MSI2: variants seen among roughly 807,000 people sequenced by gnomAD.
MSI2 encodes musashi RNA binding protein 2.
MSI2 carries 17 observed loss-of-function variants against 45.6 expected under a neutral mutation model. The ratio of observed to expected loss-of-function variants is 0.37; its 90% CI spans 0.26 to 0.56. MSI2 has a LOEUF of 0.56. MSI2 is among the 20% of genes least tolerant of loss of function. The pLI is 0.77. For synonymous variants in MSI2, 156 were observed against 158.2 expected (o/e 0.99, Z 0.11); for missense variants, 293 against 444.2 (o/e 0.66, Z 3.06).
Position 57,320,010 on chromosome 17 carries a change from C to A in MSI2, c.312+57818C>A, listed in dbSNP as rs557849818. On this transcript the variant is annotated intron_variant, in intron 5 of 13. Transcript: ENST00000284073. ...TCCTCAAATGAGTGAGCTGTGAGTC[C>A]CCCACCCCTCCTACTTGGCCCTTCC... Among the ~76,000 whole-genome samples the A allele has an allele frequency of 5.7e-3, 867 of 152,128 alleles. 7 individuals are homozygous for A. Among genetic ancestry groups the A allele is most frequent in the African/African-American group, 0.02 (830 of 41,470 alleles).
intron 6 of MSI2, among the ~76,000 whole-genome samples, chr17:57,520,367 T>C (rs2086558563): frequency 6.6e-6 from 1 of 152,224 alleles, no homozygotes; most frequent in Non-Finnish European, 1.5e-5. Flanking sequence ...GTTGAATTCA[T>C]AACTGCTATC....
chr17:57,580,499 G>T (rs1206916386), intron 7 of MSI2, among the ~76,000 whole-genome samples: 1 of 152,208 alleles, frequency 6.6e-6, no homozygotes, highest in Non-Finnish European at 1.5e-5. Context: ...GCATTCTGTG[G>T]CTCTTCCAGT....
At chr17:57,531,325 G>A (rs1189427112) in intron 7 of MSI2, among the ~76,000 whole-genome samples, 2 of 152,220 alleles carry the variant, frequency 1.3e-5, no homozygotes, top group African/African-American at 2.4e-5. Context: ...ATTGCTCGGA[G>A]AGTGTAATGC....
intron 7 of MSI2, among the ~76,000 whole-genome samples, chr17:57,536,318 C>A (rs1243428233): frequency 6.6e-6 from 1 of 152,086 alleles, no homozygotes; most frequent in Non-Finnish European, 1.5e-5. Flanking sequence ...GTGTATTTGA[C>A]AAAAACGATC....
At chr17:57,383,763 G>T (rs972344495) in intron 5 of MSI2, among the ~76,000 whole-genome samples, 1 of 152,182 alleles carries the variant, frequency 6.6e-6, no homozygotes, top group Non-Finnish European at 1.5e-5. Flanking sequence ...CAAGCATATG[G>T]TGGTGTGCCT....
intron 7 of MSI2, among the ~76,000 whole-genome samples, chr17:57,573,401 T>C (rs1247227249): frequency 6.6e-6 from 1 of 152,190 alleles, no homozygotes; most frequent in Non-Finnish European, 1.5e-5. Flanking sequence ...GGGATTTCCA[T>C]TTTTCAGATT....
At chr17:57,256,859 G>T (rs1000481580) in intron 1 of MSI2, 55 bp downstream of exon 1, 1 of 1,323,904 alleles carries the variant, frequency 7.6e-7, no homozygotes. Flanking sequence ...TCCTTGCAGC[G>T]GCGGGGACGG....
chr17:57,441,983 G>A (rs769627122), intron 6 of MSI2, among the ~76,000 whole-genome samples: 2 of 151,952 alleles, frequency 1.3e-5, no homozygotes, highest in African/African-American at 4.8e-5. Flanking sequence ...CCCTTGCTTG[G>A]CTGTACATTT....
intron 8 of MSI2, among the ~76,000 whole-genome samples, chr17:57,605,101 A>C (rs993277531): frequency 2.0e-5 from 3 of 152,172 alleles, no homozygotes; most frequent in Non-Finnish European, 2.9e-5. Flanking sequence ...GAGAATGTCA[A>C]ATGCAATATT....
In MSI2 at chr17:57,407,676, A is replaced by G. The variant is rs56938284; in HGVS notation, c.405+6205A>G. On this transcript the variant is annotated intron_variant, in intron 6 of 13. Transcript: ENST00000284073. This position sits in a 1 kb window ranked among gnomAD's most constrained non-coding sequence, Gnocchi z 4.1. ...TCCTCTGCTCCACCTTTTTCTGGAG[A>G]GCCTGGGTGTTGCCCTTCAGACCTT... Among the ~76,000 whole-genome samples, 937 of 152,100 alleles carry G rather than the reference A, an allele frequency of 6.2e-3. 70 individuals are homozygous for G. The East Asian group carries it at 0.16, about 26-fold the overall frequency.
At chr17:57,421,082 C>A (rs1436075290) in intron 6 of MSI2, among the ~76,000 whole-genome samples, 2 of 152,092 alleles carry the variant, frequency 1.3e-5, no homozygotes, top group Non-Finnish European at 1.5e-5. Context: ...CCCCCTTCTC[C>A]CCTGTTCTGA....
At chr17:57,475,804 TACAC>T (rs56753762) in intron 6 of MSI2, among the ~76,000 whole-genome samples, 10 of 150,220 alleles carry the variant, frequency 6.7e-5, no homozygotes, top group Non-Finnish European at 1.3e-4. Flanking sequence ...CATGCTTGTG[TACAC>T]ACACACACAC....
intron 5 of MSI2, among the ~76,000 whole-genome samples, chr17:57,283,637 AAAAC>A (rs1208494417): frequency 6.6e-6 from 1 of 152,212 alleles, no homozygotes; most frequent in African/African-American, 2.4e-5. Context: ...CACACAACAA[AAAAC>A]AAACAAACAA....
chr17:57,490,065 A>G (rs190174452), intron 6 of MSI2, among the ~76,000 whole-genome samples: 1 of 152,236 alleles, frequency 6.6e-6, no homozygotes, highest in East Asian at 1.9e-4. Flanking sequence ...TAGACCAAAG[A>G]TCATGGACTG....
At chr17:57,418,191 A>C (rs1247941533) in intron 6 of MSI2, among the ~76,000 whole-genome samples, 33 of 152,248 alleles carry the variant, frequency 2.2e-4, no homozygotes. Flanking sequence ...TTACAAAAAC[A>C]GGCAGCAGGC....
At chr17:57,570,437 C>T (rs1026696637) in intron 7 of MSI2, among the ~76,000 whole-genome samples, 1 of 152,172 alleles carries the variant, frequency 6.6e-6, no homozygotes, top group African/African-American at 2.4e-5. Context: ...GAAATCTGTG[C>T]CTTAATTATT....
intron 8 of MSI2, among the ~76,000 whole-genome samples, chr17:57,605,505 G>A (rs190221316): frequency 3.7e-4 from 57 of 152,162 alleles, no homozygotes; most frequent in African/African-American, 1.2e-3. Context: ...TGCCACCAGC[G>A]TCCCCGTACT....
At chr17:57,575,957 A>AG (rs2088032363) in intron 7 of MSI2, among the ~76,000 whole-genome samples, 1 of 151,536 alleles carries the variant, frequency 6.6e-6, no homozygotes, top group Non-Finnish European at 1.5e-5. Context: ...AAAAAAAAAA[A>AG]AAAAAAAAAA....
At chr17:57,262,678 G>T (rs994367009) in intron 5 of MSI2, among the ~76,000 whole-genome samples, 2 of 152,250 alleles carry the variant, frequency 1.3e-5, no homozygotes, top group East Asian at 3.9e-4. Flanking sequence ...TGGATATCTT[G>T]GTTTTAGGTT....
Sources: gnomAD v4.1 joint callset for allele counts (sites outside exome capture counted in the v4.1 genomes callset) on GRCh38, gnomAD v4.1.1 for gene constraint, Gnocchi (gnomAD v3.1) non-coding constraint, MANE v1.5 for transcripts, NCBI Gene and HGNC (gene_info 2026-07-23, HGNC 2026-07-21) for gene names.